Variants in SETD3 observed in about 807,000 individuals in gnomAD.
SETD3 encodes the protein SET domain containing 3, actin N3(tau)-histidine methyltransferase.
SETD3 carries 19 observed loss-of-function variants against 63.0 expected under a neutral mutation model. The observed-to-expected ratio is 0.30, with a 90% CI of 0.21 to 0.44. The LOEUF (loss-of-function observed/expected upper bound fraction) is 0.44. Among genes scored for constraint, SETD3 ranks in the 20% least tolerant of loss-of-function variants. The probability of loss-of-function intolerance (pLI) is 1.00; values close to 1 mark genes in which losing one functional copy is unlikely to be tolerated. For synonymous variants in SETD3, 286 were observed against 264.1 expected (o/e 1.08, Z -0.80); for missense variants, 587 against 728.5 (o/e 0.81, Z 2.24).
At chr14:99,409,353 C>T in intron 8 of SETD3, among the ~76,000 whole-genome samples, 1 of 152,088 alleles carries the variant, frequency 6.6e-6, no homozygotes, top group East Asian at 1.9e-4. Flanking sequence ...GAGAATAGCC[C>T]CACAGGAGTC....
At chr14:99,409,371 T>C (rs1891853170) in intron 8 of SETD3, among the ~76,000 whole-genome samples, 1 of 152,108 alleles carries the variant, frequency 6.6e-6, no homozygotes, top group Non-Finnish European at 1.5e-5. Context: ...GTCTCAAGTG[T>C]GCCCAGGGGA....
intron 3 of SETD3, among the ~76,000 whole-genome samples, chr14:99,463,122 C>G (rs1475311705): frequency 6.6e-6 from 1 of 152,202 alleles, no homozygotes; most frequent in Non-Finnish European, 1.5e-5. Flanking sequence ...AATGCATTAA[C>G]CAATCAGCAT....
At chr14:99,465,870 G>T in intron 1 of SETD3, 57 bp from the exon 2 acceptor site, 1 of 1,159,752 alleles carries the variant, frequency 8.6e-7, no homozygotes. Context: ...ACAAAATCAA[G>T]TAATAAAACA....
intron 6 of SETD3, among the ~76,000 whole-genome samples, chr14:99,427,662 C>T (rs1233002102): frequency 6.6e-6 from 1 of 152,198 alleles, no homozygotes; most frequent in Non-Finnish European, 1.5e-5. Context: ...CCCAGCAAAG[C>T]TTCGTCCGTC....
chr14:99,406,220 A>G (rs868510847), intron 9 of SETD3, among the ~76,000 whole-genome samples: 1 of 152,214 alleles, frequency 6.6e-6, no homozygotes, highest in African/African-American at 2.4e-5. Context: ...AACACACTTT[A>G]TTTTCAGTTA....
intron 3 of SETD3, among the ~76,000 whole-genome samples, chr14:99,462,251 T>C (rs1015215285): frequency 6.6e-6 from 1 of 152,198 alleles, no homozygotes; most frequent in African/African-American, 2.4e-5. Flanking sequence ...GTTATATTAA[T>C]TTCTGAACTT....
chr14:99,413,002 C>T lies in SETD3; in HGVS notation c.798G>A (p.Val266=). The change falls in exon 8 of 13, where the codon GTG becomes GTA. Residue 266 remains valine (V), a synonymous_variant. Transcript: ENST00000331768. ...CCCATAAAGGAATCAGAGCCAGGGT[C>T]ACGCGGGAACCATCCTCTGTGGGAA... is the stretch of plus-strand genomic sequence containing the variant. ...NQIPTEDGSR[V]TLALIPLWDM... The T allele has an allele frequency of 6.2e-7, 1 of 1,614,086 alleles. No homozygotes were observed. Among genetic ancestry groups the T allele is most frequent in the Non-Finnish European group, 8.5e-7 (1 of 1,179,976 alleles).
intron 8 of SETD3, chr14:99,410,038 T>TA: frequency 1.7e-6 from 1 of 586,256 alleles, no homozygotes. Context: ...ATCTGGACAA[T>TA]AGAGGGAAAT....
At chr14:99,468,657 T>G (rs1363610203) in intron 1 of SETD3, among the ~76,000 whole-genome samples, 1 of 152,176 alleles carries the variant, frequency 6.6e-6, no homozygotes, top group African/African-American at 2.4e-5. Context: ...GTTCACCCCT[T>G]GACTGTAATA....
chr14:99,485,871 A>G (rs1234175071), upstream of SETD3, among the ~76,000 whole-genome samples: 3 of 152,166 alleles, frequency 2.0e-5, no homozygotes, highest in Non-Finnish European at 4.4e-5. Context: ...AAAAATGAAT[A>G]AAAAAGAATA....
At position 99,458,384 on chromosome 14, in the gene SETD3, T is replaced by C. The variant is rs1002795711; in HGVS notation, c.570A>G (p.Glu190=). Residue 190 remains glutamate (E), a synonymous_variant, in exon 6 of 13, where the codon GAA becomes GAG. Coordinates refer to ENST00000331768, the MANE Select transcript of SETD3 (RefSeq NM_032233.3). ...PSEYDTPLYF[E]EDEVRYLQST... ...ACTGAAGATACCGAACTTCATCTTC[T>C]TCAAAGTAGAGAGGAGTGTCATATT... 6.2e-7 allele frequency: 1 copy of C among 1,614,140 alleles called. No individual in the cohort carries two copies. The highest frequency in any genetic ancestry group is 2.2e-5 in the East Asian group (1 of 44,880).
intron 1 of SETD3, among the ~76,000 whole-genome samples, chr14:99,472,327 T>G (rs1217315913): frequency 6.6e-6 from 1 of 152,246 alleles, no homozygotes; most frequent in African/African-American, 2.4e-5. Flanking sequence ...CCAGTATGTG[T>G]GGTTTCCTAA....
chr14:99,418,042 C>T (rs1330215309), intron 6 of SETD3, among the ~76,000 whole-genome samples: 2 of 152,138 alleles, frequency 1.3e-5, no homozygotes, highest in Non-Finnish European at 2.9e-5. Flanking sequence ...ATATTAATCA[C>T]CTTCAATGAG....
At chr14:99,407,432 C>T (rs1891744133) in intron 8 of SETD3, among the ~76,000 whole-genome samples, 1 of 152,188 alleles carries the variant, frequency 6.6e-6, no homozygotes. Flanking sequence ...TCCTTCTCAC[C>T]TAGCTTGTTA....
chr14:99,414,052 C>T, intron 6 of SETD3, 118 bp from the exon 7 acceptor site: 1 of 914,218 alleles, frequency 1.1e-6, no homozygotes, highest in South Asian at 1.5e-5. Flanking sequence ...CCAAATGAAG[C>T]AGGCGGCGTC....
Position 99,416,652 on chromosome 14 carries a change from A to G in SETD3, c.676-2718T>C, listed in dbSNP as rs1253424153. On this transcript the variant is annotated intron_variant, in intron 6 of 12. Transcript: ENST00000331768. ...ACGACAGTGAGAGGGCCTCTCAGGCATGGGGGGCCCAGCAGCAGCGGCAAT... is the reference window on the plus strand; with the variant it reads ...ACGACAGTGAGAGGGCCTCTCAGGCGTGGGGGGCCCAGCAGCAGCGGCAAT... Among the ~76,000 whole-genome samples the G allele has an allele frequency of 2.6e-5, 4 of 152,164 alleles. 1 individual carries two copies. In the East Asian group the frequency reaches 7.7e-4, roughly 29 times the overall value.
chr14:99,429,033 G>T (rs1189477484), intron 6 of SETD3, among the ~76,000 whole-genome samples: 2 of 152,132 alleles, frequency 1.3e-5, no homozygotes, highest in Non-Finnish European at 2.9e-5. Flanking sequence ...GAACTTCTGG[G>T]TGTACTTCTC....
At chr14:99,404,177 A>T (rs1161452448) in intron 11 of SETD3, 48 bp downstream of exon 11, 8 of 1,499,702 alleles carry the variant, frequency 5.3e-6, no homozygotes, top group Middle Eastern at 1.7e-4. Flanking sequence ...CACTTTCATG[A>T]TTTAAAAAGA....
At chr14:99,406,442 T>A in intron 9 of SETD3, 74 bp downstream of exon 9, 3 of 1,369,364 alleles carry the variant, frequency 2.2e-6, no homozygotes, top group Non-Finnish European at 3.1e-6. Flanking sequence ...AGTTCCTTTT[T>A]AAGATTACCA....
Sources: allele counts gnomAD v4.1 joint callset (sites outside exome capture counted in the v4.1 genomes callset), GRCh38; gene constraint gnomAD v4.1.1; transcripts MANE v1.5; gene names NCBI Gene and HGNC (gene_info 2026-07-23, HGNC 2026-07-21).